TMEM267: variants seen among roughly 807,000 people sequenced by gnomAD.
TMEM267 encodes the protein transmembrane protein C5orf28.
A neutral mutation model predicts 19.3 loss-of-function variants in TMEM267; 20 were observed. That is an observed-to-expected ratio of 1.04 (90% CI 0.73 to 1.51). The LOEUF is 1.51. Among genes scored for constraint, TMEM267 ranks in the 40% most tolerant of loss-of-function variants. The pLI is 0.00. For synonymous variants in TMEM267, 88 were observed against 90.3 expected (o/e 0.97, Z 0.15); for missense variants, 242 against 261.9 (o/e 0.92, Z 0.52).
Position 43,464,663 on chromosome 5 carries a change from C to G in TMEM267, c.-74-10620G>C, listed in dbSNP as rs933687473. Among the ~76,000 whole-genome samples the G allele has an allele frequency of 2.6e-5, 4 of 152,370 alleles. No individual in the cohort carries two copies. In the East Asian group the frequency reaches 7.7e-4, roughly 29 times the overall value. ...CAGAAATAATGCCACATATCTACAA[C>G]CATCTGATCTTTGACAAACCTGACA... On this transcript the variant is annotated intron_variant, in intron 1 of 2. Transcript: ENST00000397080.
At position 43,445,699 on chromosome 5, in the gene TMEM267, T is replaced by C. The variant is rs1398932008; in HGVS notation, c.*523A>G. ...AAGCATTCTGCAAATTAAATTTCAC[T>C]CAGGATCAACATATATGAAAATAAA... On this transcript the variant is annotated 3_prime_UTR_variant, in exon 3 of 3. Coordinates refer to ENST00000397080, the MANE Select transcript of TMEM267 (RefSeq NM_022483.5). 6.6e-6 allele frequency: 1 copy of C among 152,214 alleles called. No homozygotes were observed. Among genetic ancestry groups the C allele is most frequent in the African/African-American group, 2.4e-5 (1 of 41,448 alleles). 9.4% of individuals were successfully genotyped at this position (152,214 alleles called of 1,614,324 possible). A position where few individuals can be genotyped will look rare whatever the true frequency, so the allele number is the denominator to read the frequency against.
chr5:43,451,911 C>G (rs13188884), intron 2 of TMEM267, among the ~76,000 whole-genome samples: 2,085 of 151,548 alleles, frequency 0.014, 56 homozygotes, highest in East Asian at 0.13. Flanking sequence ...CCTGCCTCTA[C>G]AAATAATTTT....
chr5:43,458,395 C>T (rs1743071959), intron 1 of TMEM267, among the ~76,000 whole-genome samples: 1 of 152,216 alleles, frequency 6.6e-6, no homozygotes. Flanking sequence ...AGCCACTGAA[C>T]CTGGCCTAGA....
intron 1 of TMEM267, chr5:43,476,138 G>A (rs1163311438): frequency 6.6e-6 from 1 of 152,234 alleles, no homozygotes; most frequent in Admixed American, 6.5e-5. Context: ...GAAGAAGCTG[G>A]ACCTGCAGCT....
intron 2 of TMEM267, among the ~76,000 whole-genome samples, chr5:43,447,031 T>C (rs1314457963): frequency 1.3e-5 from 2 of 152,064 alleles, no homozygotes; most frequent in African/African-American, 4.8e-5. Context: ...ATTTACAACA[T>C]TTAGAAAAAT....
At chr5:43,481,047 G>A (rs1401762235) in intron 1 of TMEM267, among the ~76,000 whole-genome samples, 3 of 149,000 alleles carry the variant, frequency 2.0e-5, no homozygotes, top group East Asian at 4.0e-4. Context: ...TTCGTGATCC[G>A]CCCGCCTCGG....
Position 43,447,309 on chromosome 5 carries a change from C to T in TMEM267, c.313-752G>A, listed in dbSNP as rs140309711. Among the ~76,000 whole-genome samples the T allele has an allele frequency of 3.3e-3, 506 of 152,112 alleles. 4 individuals carry two copies. Among genetic ancestry groups the T allele is most frequent in the African/African-American group, 0.012 (480 of 41,486 alleles). On this transcript the variant is annotated intron_variant, in intron 2 of 2. Transcript: ENST00000397080. ...TTCACCATGTTGGCCAGGCTGGTCT[C>T]GAACTCCTGAACTCAGATGATCCAC...
intron 2 of TMEM267, among the ~76,000 whole-genome samples, chr5:43,448,219 C>T (rs17246391): frequency 0.075 from 11,436 of 152,224 alleles, 543 homozygotes; most frequent in South Asian, 0.13. Flanking sequence ...TTACGCTCCT[C>T]TTTCCCTGCC....
chr5:43,479,112 G>A (rs1045412906), intron 1 of TMEM267, among the ~76,000 whole-genome samples: 2 of 151,364 alleles, frequency 1.3e-5, no homozygotes, highest in African/African-American at 4.8e-5. Flanking sequence ...CTGAAATATG[G>A]CACTAGTGAA....
At chr5:43,464,749 C>T (rs1412353057) in intron 1 of TMEM267, among the ~76,000 whole-genome samples, 1 of 152,150 alleles carries the variant, frequency 6.6e-6, no homozygotes, top group African/African-American at 2.4e-5. Context: ...AACTGGCTAG[C>T]CATATGTAGA....
rs1742126519 is a variant in TMEM267 at position 43,444,257 on chromosome 5, A to T, written c.*1965T>A. ...AGTTATGACAACCCAAAAAATGCCT[A>T]TGTAGCATTCTTATTTATTTATTTT... On this transcript the variant is annotated 3_prime_UTR_variant, in exon 3 of 3. Transcript: ENST00000397080. The T allele has an allele frequency of 6.6e-6, 1 of 152,132 alleles. No individual in the cohort carries two copies. The highest frequency in any genetic ancestry group is 2.1e-4 in the South Asian group (1 of 4,832). 9.4% of individuals were successfully genotyped at this position (152,132 alleles called of 1,614,324 possible). A position where few individuals can be genotyped will look rare whatever the true frequency, so the allele number is the denominator to read the frequency against.
At chr5:43,484,314 G>A (rs1430839868), upstream of TMEM267, 1 of 152,200 alleles carries the variant, frequency 6.6e-6, no homozygotes, top group Non-Finnish European at 1.5e-5. Flanking sequence ...GCAGCGATAC[G>A]GCCAACTTCC....
chr5:43,482,165 C>T (rs1259208700), intron 1 of TMEM267, among the ~76,000 whole-genome samples: 1 of 152,158 alleles, frequency 6.6e-6, no homozygotes, highest in Non-Finnish European at 1.5e-5. Context: ...TGTTTTAAGC[C>T]TCTAAGTTTT....
At chr5:43,455,064 A>T (rs552261211) in intron 1 of TMEM267, among the ~76,000 whole-genome samples, 2 of 152,366 alleles carry the variant, frequency 1.3e-5, no homozygotes, top group South Asian at 4.1e-4. Flanking sequence ...GAAGAATAAA[A>T]CAATTTTGAA....
In TMEM267 at chr5:43,445,205, G is replaced by A. The variant is rs1004693019; in HGVS notation, c.*1017C>T. 3 of 151,694 alleles carry A rather than the reference G, an allele frequency of 2.0e-5. No homozygotes were observed. Among genetic ancestry groups the A allele is most frequent in the South Asian group, 4.2e-4 (2 of 4,814 alleles). 9.4% of individuals were successfully genotyped at this position (151,694 alleles called of 1,614,324 possible). ...AATCATTTTAATAGAAGATCAACCT[G>A]AAAGAAAAAGGAAAAAGCAAATTTC... On this transcript the variant is annotated 3_prime_UTR_variant, in exon 3 of 3. Coordinates refer to ENST00000397080, the MANE Select transcript of TMEM267 (RefSeq NM_022483.5).
At chr5:43,479,333 A>T (rs1271957743) in intron 1 of TMEM267, among the ~76,000 whole-genome samples, 1 of 151,998 alleles carries the variant, frequency 6.6e-6, no homozygotes, top group African/African-American at 2.4e-5. Flanking sequence ...TTACAAATGT[A>T]ATCATTACTT....
chr5:43,480,446 T>C (rs913938065), intron 1 of TMEM267, among the ~76,000 whole-genome samples: 6 of 152,094 alleles, frequency 3.9e-5, no homozygotes, highest in Admixed American at 3.3e-4. Context: ...CCTGAGTAGC[T>C]GGGACTACAG....
rs746207444 is a variant in TMEM267 at position 43,446,280 on chromosome 5, T to C, written c.590A>G (p.Tyr197Cys). 1 of 1,613,888 alleles carries C rather than the reference T, an allele frequency of 6.2e-7. No individual in the cohort carries two copies. The highest frequency in any genetic ancestry group is 8.5e-7 in the Non-Finnish European group (1 of 1,179,762). The part of the protein sequence containing the change: ...SLPHICSFVM[Y>C]LTGTRQMMSS... ...CATCATTTGTCTGGTTCCTGTTAAA[T>C]ACATAACGAATGAACAGATGTGAGG... The change falls in exon 3 of 3, where the codon TAT becomes TGT. Residue 197 changes from tyrosine (Y) to cysteine (C), a missense_variant. Physicochemically the swap from Tyr to Cys is radical, Grantham distance 194 (BLOSUM62 -2). Coordinates refer to ENST00000397080, the MANE Select transcript of TMEM267 (RefSeq NM_022483.5).
intron 2 of TMEM267, among the ~76,000 whole-genome samples, chr5:43,450,673 T>C (rs1742533298): frequency 6.6e-6 from 1 of 152,204 alleles, no homozygotes; most frequent in African/African-American, 2.4e-5. Flanking sequence ...TTCTTAACAA[T>C]AGTGCTTCTA....
Sources: gnomAD v4.1 joint callset for allele counts (sites outside exome capture counted in the v4.1 genomes callset) on GRCh38, gnomAD v4.1.1 for gene constraint, MANE v1.5 for transcripts, NCBI Gene and HGNC (gene_info 2026-07-23, HGNC 2026-07-21) for gene names.